TAFA1: variants seen among roughly 807,000 people sequenced by gnomAD.
The protein encoded by TAFA1 is chemokine-like protein TAFA-1.
In TAFA1, 4 loss-of-function variants were observed where a neutral mutation model predicts 18.5. The observed-to-expected ratio is 0.22, with a 90% CI of 0.11 to 0.49. The LOEUF is 0.49. Ranked by LOEUF, TAFA1 falls within the 20% of genes least tolerant of loss-of-function variation. The probability of loss-of-function intolerance (pLI) is 0.98; values close to 1 mark genes in which losing one functional copy is unlikely to be tolerated. For synonymous variants in TAFA1, 56 were observed against 55.2 expected (o/e 1.01, Z -0.06); for missense variants, 147 against 169.0 (o/e 0.87, Z 0.72).
intron 2 of TAFA1, among the ~76,000 whole-genome samples, chr3:68,016,444 T>C (rs1266274206): frequency 6.6e-6 from 1 of 152,198 alleles, no homozygotes; most frequent in Non-Finnish European, 1.5e-5. Context: ...GTTTGTTGTA[T>C]AGATTATTTC....
At chr3:68,335,567 G>T (rs2106740409) in intron 2 of TAFA1, among the ~76,000 whole-genome samples, 1 of 152,224 alleles carries the variant, frequency 6.6e-6, no homozygotes, top group Middle Eastern at 3.4e-3. Flanking sequence ...AATGGTTTAT[G>T]GAAACAGTGG....
rs1705229402 is a variant in TAFA1, at chr3:68,044,512, G to T, written c.118+37768G>T. On this transcript the variant is annotated intron_variant, in intron 2 of 4. Coordinates refer to ENST00000478136, the MANE Select transcript of TAFA1 (RefSeq NM_213609.4). Reference sequence around the variant, plus strand: ...CACCTCCCTGACTTCACCTCCTGCTGCTTTCCCTCTTGGCTGTTTCACTCC... The same window carrying T: ...CACCTCCCTGACTTCACCTCCTGCTTCTTTCCCTCTTGGCTGTTTCACTCC... Among the ~76,000 whole-genome samples, 3 of 152,272 alleles carry T rather than the reference G, an allele frequency of 2.0e-5. No homozygotes were observed. The South Asian group carries it at 6.2e-4, about 32-fold the overall frequency.
chr3:68,011,568 G>T (rs1704472303), intron 2 of TAFA1, among the ~76,000 whole-genome samples: 3 of 152,106 alleles, frequency 2.0e-5, no homozygotes, highest in Admixed American at 1.3e-4. Flanking sequence ...ATTGAAAGCT[G>T]CTCAGAGAAT....
At chr3:68,424,762 A>C (rs2071021342) in intron 3 of TAFA1, among the ~76,000 whole-genome samples, 2 of 152,084 alleles carry the variant, frequency 1.3e-5, no homozygotes, top group Admixed American at 1.3e-4. Flanking sequence ...AAAACATGAC[A>C]GTGTATTAAA....
intron 3 of TAFA1, among the ~76,000 whole-genome samples, chr3:68,433,171 G>A (rs1164626513): frequency 6.6e-6 from 1 of 152,004 alleles, no homozygotes; most frequent in African/African-American, 2.4e-5. Flanking sequence ...AATAGCATTT[G>A]CATTTACTCT....
At chr3:68,279,556 T>C (rs1170237182) in intron 2 of TAFA1, among the ~76,000 whole-genome samples, 1 of 152,150 alleles carries the variant, frequency 6.6e-6, no homozygotes, top group Non-Finnish European at 1.5e-5. Context: ...GATGTAATAA[T>C]ACATAGTCAC....
intron 2 of TAFA1, among the ~76,000 whole-genome samples, chr3:68,142,243 A>G (rs1018657022): frequency 2.0e-5 from 3 of 152,240 alleles, no homozygotes; most frequent in Admixed American, 2.0e-4. Context: ...AAATGTTAAT[A>G]TAAATCTCTA....
At chr3:68,395,487 C>A (rs72499073) in intron 2 of TAFA1, among the ~76,000 whole-genome samples, 1 of 152,032 alleles carries the variant, frequency 6.6e-6, no homozygotes, top group African/African-American at 2.4e-5. Flanking sequence ...AAGACACATA[C>A]GTTTACTGCA....
At chr3:68,462,339 C>T (rs1444845596) in intron 3 of TAFA1, among the ~76,000 whole-genome samples, 2 of 151,964 alleles carry the variant, frequency 1.3e-5, no homozygotes, top group Non-Finnish European at 2.9e-5. Context: ...GCAAGTCTTC[C>T]CTGTGCTGTT....
At chr3:68,051,143 A>T (rs911920623) in intron 2 of TAFA1, among the ~76,000 whole-genome samples, 1 of 152,102 alleles carries the variant, frequency 6.6e-6, no homozygotes, top group Non-Finnish European at 1.5e-5. Flanking sequence ...CCTGGCTCGT[A>T]GGGTTGTTGG....
At chr3:68,204,296 T>C (rs2066501239) in intron 2 of TAFA1, among the ~76,000 whole-genome samples, 1 of 151,836 alleles carries the variant, frequency 6.6e-6, no homozygotes, top group African/African-American at 2.4e-5. Context: ...ATTTTTGATT[T>C]CTACTCTCCT....
rs374609651 is a variant in TAFA1, at chr3:68,263,256, C to T, written c.119-154024C>T. Reference sequence around the variant, plus strand: ...CTATGGTATAAACCAATATATTATACGGTGGAATTTCACTGTGATTTGCTA... The same window carrying T: ...CTATGGTATAAACCAATATATTATATGGTGGAATTTCACTGTGATTTGCTA... On this transcript the variant is annotated intron_variant, in intron 2 of 4. Transcript: ENST00000478136. Among the ~76,000 whole-genome samples the T allele has an allele frequency of 1.1e-3, 167 of 152,048 alleles. 1 individual carries two copies. The highest frequency in any genetic ancestry group is 3.4e-3 in the Middle Eastern group (1 of 294).
At chr3:68,123,946 T>C (rs2065434050) in intron 2 of TAFA1, among the ~76,000 whole-genome samples, 1 of 141,782 alleles carries the variant, frequency 7.1e-6, no homozygotes, top group African/African-American at 2.7e-5. Context: ...CTAGAAACTT[T>C]AGCTATCACT....
intron 2 of TAFA1, among the ~76,000 whole-genome samples, chr3:68,257,634 C>G (rs1048539732): frequency 1.3e-5 from 2 of 152,104 alleles, no homozygotes; most frequent in Non-Finnish European, 2.9e-5. Flanking sequence ...ATGTCATTCA[C>G]AAATGAGGAA....
At chr3:68,350,159 T>G (rs931502843) in intron 2 of TAFA1, among the ~76,000 whole-genome samples, 2 of 152,024 alleles carry the variant, frequency 1.3e-5, no homozygotes, top group Non-Finnish European at 2.9e-5. Context: ...AAGAAAGAAA[T>G]TGGTACTCAG....
At chr3:68,180,054 G>A (rs2066177997) in intron 2 of TAFA1, among the ~76,000 whole-genome samples, 1 of 76,516 alleles carries the variant, frequency 1.3e-5, no homozygotes, top group Non-Finnish European at 2.7e-5. Flanking sequence ...TTGAGAGGGA[G>A]TCTTACTCTG....
intron 2 of TAFA1, among the ~76,000 whole-genome samples, chr3:68,372,468 T>A (rs540605981): frequency 1.3e-5 from 2 of 152,186 alleles, no homozygotes; most frequent in Non-Finnish European, 2.9e-5. Flanking sequence ...ATGAGCACTT[T>A]GATGAAGAGA....
chr3:68,524,515 T>G (rs2073075771), intron 3 of TAFA1, among the ~76,000 whole-genome samples: 1 of 152,128 alleles, frequency 6.6e-6, no homozygotes, highest in Non-Finnish European at 1.5e-5. Flanking sequence ...GCAGTACATT[T>G]AGAAAATAAA....
At chr3:68,200,588 G>A (rs914602299) in intron 2 of TAFA1, among the ~76,000 whole-genome samples, 2 of 151,458 alleles carry the variant, frequency 1.3e-5, no homozygotes, top group Admixed American at 6.6e-5. Flanking sequence ...GAATTGGTCC[G>A]TTTCATCTGT....
Sources: gnomAD v4.1 joint callset for allele counts (sites outside exome capture counted in the v4.1 genomes callset) on GRCh38, gnomAD v4.1.1 for gene constraint, MANE v1.5 for transcripts, NCBI Gene and HGNC (gene_info 2026-07-23, HGNC 2026-07-21) for gene names.